Variants in AIG1 observed in about 807,000 individuals in gnomAD.
The protein encoded by AIG1 is androgen-induced gene 1 protein.
AIG1 carries 23 observed loss-of-function variants against 31.4 expected under a neutral mutation model. That is an observed-to-expected ratio of 0.73 (90% confidence interval 0.53 to 1.04). The LOEUF (loss-of-function observed/expected upper bound fraction) is 1.04, where lower values mean the gene tolerates loss of function less well. AIG1 is among the 50% of genes least tolerant of loss of function. The pLI, the probability that AIG1 is intolerant of heterozygous loss-of-function variation, is 0.00. For synonymous variants in AIG1, 100 were observed against 110.5 expected, an observed-to-expected ratio of 0.90 and a Z score of 0.60; for missense variants, 274 against 295.0, an observed-to-expected ratio of 0.93 and a Z score of 0.52.
chr6:143,238,650 A>G (rs1380629280), intron 3 of AIG1, among the ~76,000 whole-genome samples: 3 of 152,228 alleles, frequency 2.0e-5, no homozygotes, highest in Non-Finnish European at 4.4e-5. Context: ...AGTGTCTGTC[A>G]TAGAGTTGGT....
chr6:143,267,812 T>C (rs1796256146), intron 3 of AIG1, among the ~76,000 whole-genome samples: 2 of 152,192 alleles, frequency 1.3e-5, no homozygotes, highest in South Asian at 2.1e-4. Context: ...GGTGAAGAGA[T>C]AGAAATGCCA....
intron 1 of AIG1, among the ~76,000 whole-genome samples, chr6:143,081,424 G>A (rs1778244689): frequency 6.6e-6 from 1 of 151,632 alleles, no homozygotes; most frequent in Admixed American, 6.6e-5. Context: ...GTCCTACAAG[G>A]GAAGGCCTCC....
At chr6:143,073,854 G>A (rs546461192) in intron 1 of AIG1, among the ~76,000 whole-genome samples, 2 of 152,280 alleles carry the variant, frequency 1.3e-5, no homozygotes, top group East Asian at 3.9e-4. Context: ...ACTATCACAA[G>A]GACAGCAACA....
chr6:143,143,774 C>T (rs1784494244), intron 2 of AIG1, among the ~76,000 whole-genome samples: 1 of 151,606 alleles, frequency 6.6e-6, no homozygotes, highest in Non-Finnish European at 1.5e-5. Context: ...CAAATGCTTG[C>T]CCCCTGCACT....
chr6:143,174,586 G>A (rs753858995), intron 3 of AIG1, among the ~76,000 whole-genome samples: 6 of 151,724 alleles, frequency 4.0e-5, no homozygotes, highest in Non-Finnish European at 7.4e-5. Flanking sequence ...AAGTTTATGT[G>A]AGTCTTTGTG....
chr6:143,342,426 G>A, downstream of AIG1: 1 of 752,122 alleles, frequency 1.3e-6, no homozygotes, highest in Non-Finnish European at 2.4e-6. Context: ...CAGTAAGGTT[G>A]AACCTCGAAG....
At chr6:143,318,003 C>G (rs1489481554) in intron 4 of AIG1, among the ~76,000 whole-genome samples, 1 of 152,070 alleles carries the variant, frequency 6.6e-6, no homozygotes, top group African/African-American at 2.4e-5. Context: ...ATAGACTACA[C>G]AAACAAATGG....
At chr6:143,089,668 AT>A (rs1298734682) in intron 1 of AIG1, among the ~76,000 whole-genome samples, 1 of 152,210 alleles carries the variant, frequency 6.6e-6, no homozygotes, top group Non-Finnish European at 1.5e-5. Flanking sequence ...ACATAAACTC[AT>A]GGTGAAATGT....
chr6:143,237,770 T>C lies in AIG1; in HGVS notation c.400-46340T>C, dbSNP rs927661269. Among the ~76,000 whole-genome samples, 89 of 152,098 alleles carry C rather than the reference T, an allele frequency of 5.9e-4. 2 individuals carry two copies. The highest frequency in any genetic ancestry group is 1.2e-4 in the Non-Finnish European group (8 of 67,984). On this transcript the variant is annotated intron_variant, in intron 3 of 5. Coordinates refer to ENST00000357847, the MANE Select transcript of AIG1 (RefSeq NM_016108.4). ...CATGAGAGAAGCAGGAAAAAGAAAT[T>C]ATGAAGTATATCAGCCAGGAAGCTT...
intron 3 of AIG1, among the ~76,000 whole-genome samples, chr6:143,172,128 G>A (rs1052528424): frequency 6.6e-6 from 1 of 152,064 alleles, no homozygotes; most frequent in African/African-American, 2.4e-5. Context: ...CTCCCATTCT[G>A]TGCATTGTCT....
chr6:143,233,076 G>A (rs1200920249), intron 3 of AIG1, among the ~76,000 whole-genome samples: 1 of 152,050 alleles, frequency 6.6e-6, no homozygotes, highest in Non-Finnish European at 1.5e-5. Context: ...CCTCTCTGGT[G>A]GAGTTGATAT....
intron 3 of AIG1, among the ~76,000 whole-genome samples, chr6:143,236,750 C>T (rs989690404): frequency 9.2e-5 from 14 of 152,190 alleles, no homozygotes. Context: ...CGCCACCCCC[C>T]AACTAAAACA....
intron 3 of AIG1, among the ~76,000 whole-genome samples, chr6:143,201,250 T>C (rs1790676762): frequency 6.6e-6 from 1 of 152,010 alleles, no homozygotes; most frequent in Non-Finnish European, 1.5e-5. Flanking sequence ...TCCCAGCTAT[T>C]TGGGAGGCTG....
chr6:143,072,645 C>T (rs975371108), intron 1 of AIG1, among the ~76,000 whole-genome samples: 16 of 151,558 alleles, frequency 1.1e-4, no homozygotes, highest in African/African-American at 2.9e-4. Flanking sequence ...CCAAGTTTGC[C>T]GAGAGATTTA....
intron 2 of AIG1, among the ~76,000 whole-genome samples, chr6:143,156,391 C>T (rs1291926619): frequency 6.6e-6 from 1 of 152,004 alleles, no homozygotes; most frequent in Admixed American, 6.6e-5. Flanking sequence ...TATAGTATGA[C>T]CTAATTTCAT....
rs578042493 is a variant in AIG1 at position 143,320,721 on chromosome 6, T to C, written c.516-12561T>C. Reference sequence around the variant, plus strand: ...AAGGAGGTGTTGGTCAAAGGGTACATTTCAGTTATACAAGCTAAGTCCTGG... The same window carrying C: ...AAGGAGGTGTTGGTCAAAGGGTACACTTCAGTTATACAAGCTAAGTCCTGG... On this transcript the variant is annotated intron_variant, in intron 4 of 5. Coordinates refer to ENST00000357847, the MANE Select transcript of AIG1 (RefSeq NM_016108.4). Among the ~76,000 whole-genome samples, 33 of 152,220 alleles carry C rather than the reference T, an allele frequency of 2.2e-4. No homozygotes were observed. In the South Asian group the frequency reaches 6.2e-3, roughly 29 times the overall value.
At position 143,256,150 on chromosome 6, in the gene AIG1, G is replaced by A. The variant is rs1174650770; in HGVS notation, c.400-27960G>A. Among the ~76,000 whole-genome samples, 1 of 152,100 alleles carries A rather than the reference G, an allele frequency of 6.6e-6. No homozygotes were observed. Among genetic ancestry groups the A allele is most frequent in the Non-Finnish European group, 1.5e-5 (1 of 68,004 alleles). On this transcript the variant is annotated intron_variant, in intron 3 of 5. Transcript: ENST00000357847. This position sits in a 1 kb window ranked among gnomAD's most constrained non-coding sequence, Gnocchi z 4.6. ...AAAAGTAACTGAGATAAATTTTAGG[G>A]CAAAAATAAATTAGAATAAACAGAA...
At chr6:143,105,944 A>G (rs998080293) in intron 1 of AIG1, among the ~76,000 whole-genome samples, 1 of 152,212 alleles carries the variant, frequency 6.6e-6, no homozygotes, top group Non-Finnish European at 1.5e-5. Flanking sequence ...GAATGGTTCT[A>G]GTGAGCTCGT....
chr6:143,171,009 AAG>A (rs1787456211), intron 3 of AIG1, among the ~76,000 whole-genome samples: 1 of 152,064 alleles, frequency 6.6e-6, no homozygotes, highest in African/African-American at 2.4e-5. Flanking sequence ...TCAGATGAAT[AAG>A]AGATGGGAAA....
Sources: allele counts gnomAD v4.1 joint callset (sites outside exome capture counted in the v4.1 genomes callset), GRCh38; gene constraint gnomAD v4.1.1; non-coding constraint Gnocchi (gnomAD v3.1); transcripts MANE v1.5; gene names NCBI Gene and HGNC (gene_info 2026-07-23, HGNC 2026-07-21).